SOX12: variants seen among roughly 807,000 people sequenced by gnomAD.
SOX12 encodes transcription factor SOX-12.
A neutral mutation model predicts 21.5 loss-of-function variants in SOX12; 8 were observed. The observed-to-expected ratio is 0.37, with a 90% confidence interval of 0.22 to 0.67. The LOEUF (loss-of-function observed/expected upper bound fraction) is 0.67, where lower values mean the gene tolerates loss of function less well. Among genes scored for constraint, SOX12 ranks in the 30% least tolerant of loss-of-function variants. The pLI is 0.56. For synonymous variants in SOX12, 235 were observed against 224.2 expected, an observed-to-expected ratio of 1.05 and a Z score of -0.43; for missense variants, 400 against 482.6, an observed-to-expected ratio of 0.83 and a Z score of 1.60.
At position 326,304 on chromosome 20, in the gene SOX12, C is replaced by A; in HGVS notation, c.380C>A (p.Pro127His). The change falls in exon 1 of 1, where the codon CCC becomes CAC. Residue 127 changes from proline to histidine, a missense_variant. Transcript: ENST00000342665. The surrounding 1 kb of genome is among the most constrained non-coding windows in gnomAD (Gnocchi z 9.9). ...GAPAKARPRPPGGSGGGSRLK... is the reference protein window; with the variant it reads ...GAPAKARPRPHGGSGGGSRLK... The stretch of plus-strand genomic sequence containing the variant: ...CCCGCCAAGGCGCGGCCCCGCCCCC[C>A]CGGTGGTAGCGGTGGCGGCAGCCGG... 1 of 1,402,678 alleles carries A rather than the reference C, an allele frequency of 7.1e-7. No individual in the cohort carries two copies. The highest frequency in any genetic ancestry group is 9.3e-7 in the Non-Finnish European group (1 of 1,074,782). 86.9% of individuals were successfully genotyped at this position (1,402,678 alleles called of 1,614,324 possible). A position where few individuals can be genotyped will look rare whatever the true frequency, so the allele number is the denominator to read the frequency against.
rs2013167334 is a variant in SOX12 at position 330,146 on chromosome 20, T to C, written c.*3274T>C. ...GTCAGGCCTGCAGCACAATTTGACT[T>C]CCTATGCCCAGGCCTGCTTCCTCTT... On this transcript the variant is annotated 3_prime_UTR_variant, in exon 1 of 1. Transcript: ENST00000342665. 1 of 167,130 alleles carries C rather than the reference T, an allele frequency of 6.0e-6. No homozygotes were observed. The highest frequency in any genetic ancestry group is 1.5e-5 in the Non-Finnish European group (1 of 68,198). 10.4% of individuals were successfully genotyped at this position (167,130 alleles called of 1,614,324 possible).
rs1226057281 is a variant in SOX12, at chr20:325,865, C to G, written c.-60C>G. 4.0e-6 allele frequency: 4 copies of G among 1,007,482 alleles called. No individual in the cohort carries two copies. The highest frequency in any genetic ancestry group is 1.7e-5 in the African/African-American group (1 of 57,610). 62.4% of individuals were successfully genotyped at this position (1,007,482 alleles called of 1,614,324 possible). On this transcript the variant is annotated 5_prime_UTR_variant, in exon 1 of 1. Transcript: ENST00000342665. This position sits in a 1 kb window ranked among gnomAD's most constrained non-coding sequence, Gnocchi z 5.0. ...GTCGCCGCTGCCTCCTCCCCCACCC[C>G]CAGCCGCGGAGGATGCGGACGGCCC...
At position 325,867 on chromosome 20, in the gene SOX12, A is replaced by T. The variant is rs1362481357; in HGVS notation, c.-58A>T. On this transcript the variant is annotated 5_prime_UTR_variant, in exon 1 of 1. Transcript: ENST00000342665. This position sits in a 1 kb window ranked among gnomAD's most constrained non-coding sequence, Gnocchi z 5.0. ...CGCCGCTGCCTCCTCCCCCACCCCC[A>T]GCCGCGGAGGATGCGGACGGCCCCC... The T allele has an allele frequency of 3.0e-6, 3 of 988,948 alleles. No individual in the cohort carries two copies. The Admixed American group carries it at 1.7e-4, about 57-fold the overall frequency. The allele number at this position is 988,948 out of a possible 1,614,324, so 61.3% of individuals were successfully genotyped here. A position where few individuals can be genotyped will look rare whatever the true frequency, so the allele number is the denominator to read the frequency against.
In SOX12 at chr20:330,079, GAC is replaced by G. The variant is rs2122443128; in HGVS notation, c.*3209_*3210del. Reference sequence around the variant, plus strand: ...TTCAATCCAACATGGGACGGACACTGACAGACAGTACTCCCAGCAGGCCCAGG... The same window carrying G: ...TTCAATCCAACATGGGACGGACACTGAGACAGTACTCCCAGCAGGCCCAGG... On this transcript the variant is annotated 3_prime_UTR_variant, in exon 1 of 1. Coordinates refer to ENST00000342665, the MANE Select transcript of SOX12 (RefSeq NM_006943.4). 1 of 167,238 alleles carries G rather than the reference GAC, an allele frequency of 6.0e-6. No homozygotes were observed. The highest frequency in any genetic ancestry group is 2.1e-4 in the South Asian group (1 of 4,832). The allele number at this position is 167,238 out of a possible 1,614,324, so 10.4% of individuals were successfully genotyped here.
rs1293841858 is a variant in SOX12, at chr20:327,303, C to A, written c.*431C>A. 4.9e-6 allele frequency: 1 copy of A among 205,528 alleles called. No homozygotes were observed. Among genetic ancestry groups the A allele is most frequent in the African/African-American group, 2.4e-5 (1 of 41,658 alleles). 12.7% of individuals were successfully genotyped at this position (205,528 alleles called of 1,614,324 possible). On this transcript the variant is annotated 3_prime_UTR_variant, in exon 1 of 1. Coordinates refer to ENST00000342665, the MANE Select transcript of SOX12 (RefSeq NM_006943.4). ...GGGGCGATGCGGCCGGGTGGCAACG[C>A]ACGCGCCTCCTGCGCCCCTCCCTTC...
rs902922633 is a variant in SOX12 at position 326,452 on chromosome 20, G to A, written c.528G>A (p.Val176=). The change falls in exon 1 of 1, where the codon GTG becomes GTA. Residue 176 remains valine, a synonymous_variant. Transcript: ENST00000342665. This position sits in a 1 kb window ranked among gnomAD's most constrained non-coding sequence, Gnocchi z 9.9. ...ACGACGACGAGGAGCTGCTGGAAGTGCGCCTGGTCGAGACCCCGGGGCGGG... is the reference window on the plus strand; with the variant it reads ...ACGACGACGAGGAGCTGCTGGAAGTACGCCTGGTCGAGACCCCGGGGCGGG... ...DEDDDEELLE[V]RLVETPGREL... 7.3e-7 allele frequency: 1 copy of A among 1,379,244 alleles called. No individual in the cohort carries two copies. Among genetic ancestry groups the A allele is most frequent in the Non-Finnish European group, 9.3e-7 (1 of 1,074,822 alleles). 85.4% of individuals were successfully genotyped at this position (1,379,244 alleles called of 1,614,324 possible). A position where few individuals can be genotyped will look rare whatever the true frequency, so the allele number is the denominator to read the frequency against.
At position 327,150 on chromosome 20, in the gene SOX12, C is replaced by G. The variant is rs952897205; in HGVS notation, c.*278C>G. The G allele has an allele frequency of 1.2e-5, 6 of 513,678 alleles. No homozygotes were observed. Among genetic ancestry groups the G allele is most frequent in the South Asian group, 4.1e-5 (2 of 48,630 alleles). The allele number at this position is 513,678 out of a possible 1,614,324, so 31.8% of individuals were successfully genotyped here. A position where few individuals can be genotyped will look rare whatever the true frequency, so the allele number is the denominator to read the frequency against. ...AGCCAGCCCCCTCCGATACACCTCC[C>G]GTCCTCTCCTACAGACCTGCACCCC... On this transcript the variant is annotated 3_prime_UTR_variant, in exon 1 of 1. Coordinates refer to ENST00000342665, the MANE Select transcript of SOX12 (RefSeq NM_006943.4).
chr20:327,141 T>G lies in SOX12; in HGVS notation c.*269T>G. 6 of 462,734 alleles carry G rather than the reference T, an allele frequency of 1.3e-5. No homozygotes were observed. Among genetic ancestry groups the G allele is most frequent in the East Asian group, 4.5e-5 (1 of 22,170 alleles). The allele number at this position is 462,734 out of a possible 1,614,324, so 28.7% of individuals were successfully genotyped here. ...GCCACCAGCAGCCAGCCCCCTCCGA[T>G]ACACCTCCCGTCCTCTCCTACAGAC... is the stretch of plus-strand genomic sequence containing the variant. On this transcript the variant is annotated 3_prime_UTR_variant, in exon 1 of 1. Transcript: ENST00000342665.
At position 326,430 on chromosome 20, in the gene SOX12, A is replaced by G; in HGVS notation, c.506A>G (p.Asp169Gly). 1 of 1,359,460 alleles carries G rather than the reference A, an allele frequency of 7.4e-7. No individual in the cohort carries two copies. The highest frequency in any genetic ancestry group is 9.4e-7 in the Non-Finnish European group (1 of 1,063,006). The allele number at this position is 1,359,460 out of a possible 1,614,324, so 84.2% of individuals were successfully genotyped here. A position where few individuals can be genotyped will look rare whatever the true frequency, so the allele number is the denominator to read the frequency against. ...GCGCCCGAGGACGACGATGAAGACG[A>G]CGACGAGGAGCTGCTGGAAGTGCGC... ...AAAPEDDDED[D>G]DEELLEVRLV... Residue 169 changes from aspartate to glycine, a missense_variant, in exon 1 of 1, where the codon GAC becomes GGC. Transcript: ENST00000342665. The surrounding 1 kb of genome is among the most constrained non-coding windows in gnomAD (Gnocchi z 9.9).
In SOX12 at chr20:329,061, T is replaced by TTTCA. The variant is rs2013153479; in HGVS notation, c.*2189_*2190insTTCA. On this transcript the variant is annotated 3_prime_UTR_variant, in exon 1 of 1. Coordinates refer to ENST00000342665, the MANE Select transcript of SOX12 (RefSeq NM_006943.4). ...GATTTTTCAAGAAAAGCTGGATGGA[T>TTTCA]GTTTCTGAGTCATCTTAATTTCAAA... 6.0e-6 allele frequency: 1 copy of TTTCA among 166,834 alleles called. No individual in the cohort carries two copies. Among genetic ancestry groups the TTTCA allele is most frequent in the Non-Finnish European group, 1.5e-5 (1 of 68,128 alleles). The allele number at this position is 166,834 out of a possible 1,614,324, so 10.3% of individuals were successfully genotyped here.
At position 326,697 on chromosome 20, in the gene SOX12, T is replaced by A; in HGVS notation, c.773T>A (p.Leu258Gln). Residue 258 changes from leucine to glutamine, a missense_variant, in exon 1 of 1, where the codon CTG (leucine) becomes CAG (glutamine). By Grantham distance (113) the Leu-to-Gln change is moderately radical. Transcript: ENST00000342665. The surrounding 1 kb of genome is among the most constrained non-coding windows in gnomAD (Gnocchi z 9.9). ...GEESLGFLSR[L>Q]PPGPAGLDCS... Reference sequence around the variant, plus strand: ...GAGTCGCTGGGCTTTCTGTCCAGGCTGCCCCCTGGCCCGGCCGGCCTGGAC... The same window carrying A: ...GAGTCGCTGGGCTTTCTGTCCAGGCAGCCCCCTGGCCCGGCCGGCCTGGAC... 3.8e-6 allele frequency: 6 copies of A among 1,587,916 alleles called. 1 individual carries two copies. The highest frequency in any genetic ancestry group is 1.7e-4 in the Middle Eastern group (1 of 6,024).
rs1170751166 is a variant in SOX12, at chr20:328,932, C to G, written c.*2060C>G. 4 of 167,094 alleles carry G rather than the reference C, an allele frequency of 2.4e-5. No homozygotes were observed. Among genetic ancestry groups the G allele is most frequent in the Admixed American group, 6.5e-5 (1 of 15,276 alleles). 10.4% of individuals were successfully genotyped at this position (167,094 alleles called of 1,614,324 possible). A position where few individuals can be genotyped will look rare whatever the true frequency, so the allele number is the denominator to read the frequency against. ...GTAGGGACCAGGCAGGTAACATAGA[C>G]GAGTGACTCTGGGTGGACAGTGGTG... On this transcript the variant is annotated 3_prime_UTR_variant, in exon 1 of 1. Transcript: ENST00000342665.
Position 326,674 on chromosome 20 carries a change from G to T in SOX12, c.750G>T (p.Glu250Asp). Residue 250 changes from glutamate (E) to aspartate (D), a missense_variant, in exon 1 of 1, where the codon GAG becomes GAT. Coordinates refer to ENST00000342665, the MANE Select transcript of SOX12 (RefSeq NM_006943.4). The surrounding 1 kb of genome is among the most constrained non-coding windows in gnomAD (Gnocchi z 9.9). ...GEEETVASGE[E>D]SLGFLSRLPP... ...AGGAGACGGTGGCGTCGGGGGAGGA[G>T]TCGCTGGGCTTTCTGTCCAGGCTGC... 6.4e-7 allele frequency: 1 copy of T among 1,561,228 alleles called. No homozygotes were observed. Among genetic ancestry groups the T allele is most frequent in the Non-Finnish European group, 8.7e-7 (1 of 1,152,912 alleles).
At position 326,699 on chromosome 20, in the gene SOX12, C is replaced by A. The variant is rs764632747; in HGVS notation, c.775C>A (p.Pro259Thr). The change falls in exon 1 of 1, where the codon CCC becomes ACC. Residue 259 changes from proline to threonine, a missense_variant. Physicochemically the swap from Pro to Thr is conservative, Grantham distance 38 (BLOSUM62 -1). Transcript: ENST00000342665. This position sits in a 1 kb window ranked among gnomAD's most constrained non-coding sequence, Gnocchi z 9.9. ...EESLGFLSRL[P>T]PGPAGLDCSA... is the part of the protein sequence containing the mutation. ...GTCGCTGGGCTTTCTGTCCAGGCTGCCCCCTGGCCCGGCCGGCCTGGACTG... is the reference window on the plus strand; with the variant it reads ...GTCGCTGGGCTTTCTGTCCAGGCTGACCCCTGGCCCGGCCGGCCTGGACTG... 7.6e-6 allele frequency: 12 copies of A among 1,589,298 alleles called. No individual in the cohort carries two copies. The Admixed American group carries it at 2.0e-4, about 26-fold the overall frequency.
chr20:327,047 C>A lies in SOX12; in HGVS notation c.*175C>A, dbSNP rs531229417. Reference sequence around the variant, plus strand: ...CATGCCCCTCCCCCGCAGACACACCCCAAGGCAGCCCAACCCCCACCCCTT... The same window carrying A: ...CATGCCCCTCCCCCGCAGACACACCACAAGGCAGCCCAACCCCCACCCCTT... On this transcript the variant is annotated 3_prime_UTR_variant, in exon 1 of 1. Coordinates refer to ENST00000342665, the MANE Select transcript of SOX12 (RefSeq NM_006943.4). 1,553 of 644,572 alleles carry A rather than the reference C, an allele frequency of 2.4e-3. 3 individuals are homozygous for A. The highest frequency in any genetic ancestry group is 4.3e-3 in the South Asian group (235 of 54,834). The allele number at this position is 644,572 out of a possible 1,614,324, so 39.9% of individuals were successfully genotyped here.
chr20:327,000 C>T lies in SOX12; in HGVS notation c.*128C>T. On this transcript the variant is annotated 3_prime_UTR_variant, in exon 1 of 1. Transcript: ENST00000342665. The surrounding 1 kb of genome is among the most constrained non-coding windows in gnomAD (Gnocchi z 9.9). ...CGCAGCCTGCCCCCTCCTGGACGTG[C>T]CCATCCCCCCTCAGATCCAGACATG... 4.7e-6 allele frequency: 4 copies of T among 844,124 alleles called. No individual in the cohort carries two copies. The highest frequency in any genetic ancestry group is 1.4e-5 in the South Asian group (1 of 71,028). The allele number at this position is 844,124 out of a possible 1,614,324, so 52.3% of individuals were successfully genotyped here.
chr20:328,703 G>C lies in SOX12; in HGVS notation c.*1831G>C, dbSNP rs1416680908. ...GCAGGACTCCGCCAGTCTGATGCCA[G>C]GACTGAATAAAGTGTATTTGCCCCG... On this transcript the variant is annotated 3_prime_UTR_variant, in exon 1 of 1. Coordinates refer to ENST00000342665, the MANE Select transcript of SOX12 (RefSeq NM_006943.4). The C allele has an allele frequency of 6.0e-6, 1 of 167,040 alleles. No homozygotes were observed. Among genetic ancestry groups the C allele is most frequent in the Non-Finnish European group, 1.5e-5 (1 of 68,186 alleles). The allele number at this position is 167,040 out of a possible 1,614,324, so 10.3% of individuals were successfully genotyped here.
At position 327,388 on chromosome 20, in the gene SOX12, G is replaced by C. The variant is rs930856157; in HGVS notation, c.*516G>C. The C allele has an allele frequency of 5.4e-6, 1 of 185,040 alleles. No individual in the cohort carries two copies. The highest frequency in any genetic ancestry group is 2.4e-5 in the African/African-American group (1 of 41,478). 11.5% of individuals were successfully genotyped at this position (185,040 alleles called of 1,614,324 possible). On this transcript the variant is annotated 3_prime_UTR_variant, in exon 1 of 1. Coordinates refer to ENST00000342665, the MANE Select transcript of SOX12 (RefSeq NM_006943.4). ...AGCGCTAGGGCCCGCCCCTCCGCTG[G>C]GGCCCACCCCCTTCGTGCGCATGCT...
rs1366903638 is a variant in SOX12 at position 326,679 on chromosome 20, T to C, written c.755T>C (p.Leu252Pro). Reference sequence around the variant, plus strand: ...ACGGTGGCGTCGGGGGAGGAGTCGCTGGGCTTTCTGTCCAGGCTGCCCCCT... The same window carrying C: ...ACGGTGGCGTCGGGGGAGGAGTCGCCGGGCTTTCTGTCCAGGCTGCCCCCT... ...EETVASGEES[L>P]GFLSRLPPGP... Residue 252 changes from leucine to proline, a missense_variant, in exon 1 of 1, where the codon CTG becomes CCG. Coordinates refer to ENST00000342665, the MANE Select transcript of SOX12 (RefSeq NM_006943.4). This position sits in a 1 kb window ranked among gnomAD's most constrained non-coding sequence, Gnocchi z 9.9. The C allele has an allele frequency of 1.3e-6, 2 of 1,567,200 alleles. No homozygotes were observed. The highest frequency in any genetic ancestry group is 3.8e-5 in the Admixed American group (2 of 52,494).
Sources: allele counts gnomAD v4.1 joint callset, GRCh38; gene constraint gnomAD v4.1.1; non-coding constraint Gnocchi (gnomAD v3.1); transcripts MANE v1.5; gene names NCBI Gene and HGNC (gene_info 2026-07-23, HGNC 2026-07-21).